Variants in DYNC1I1 observed in about 807,000 individuals in gnomAD.
DYNC1I1 encodes the protein cytoplasmic dynein 1 intermediate chain 1.
A neutral mutation model predicts 86.6 loss-of-function variants in DYNC1I1; 43 were observed. The observed-to-expected ratio is 0.50, with a 90% CI of 0.39 to 0.64. The LOEUF is 0.64. Among genes scored for constraint, DYNC1I1 ranks in the 30% least tolerant of loss-of-function variants. The pLI is 0.00. For missense variants in DYNC1I1, 604 were observed against 788.8 expected, an observed-to-expected ratio of 0.77 and a Z score of 2.81; for synonymous variants, 262 against 283.7, an observed-to-expected ratio of 0.92 and a Z score of 0.77.
intron 6 of DYNC1I1, among the ~76,000 whole-genome samples, chr7:95,913,598 T>C (rs1791393933): frequency 6.6e-6 from 1 of 152,222 alleles, no homozygotes. Context: ...CTTTGCCTTC[T>C]TCCATGATTA....
chr7:96,045,026 G>A (rs1378638312), intron 14 of DYNC1I1, among the ~76,000 whole-genome samples: 2 of 152,116 alleles, frequency 1.3e-5, no homozygotes, highest in South Asian at 2.1e-4. Context: ...GTGATGGAGG[G>A]GCAATAGAGC....
chr7:95,937,713 T>C (rs1792084998), intron 6 of DYNC1I1, among the ~76,000 whole-genome samples: 1 of 152,036 alleles, frequency 6.6e-6, no homozygotes, highest in Non-Finnish European at 1.5e-5. Flanking sequence ...ATATTCTAAA[T>C]GGTTCCAAAA....
chr7:95,937,331 A>G (rs1220676201), intron 6 of DYNC1I1, among the ~76,000 whole-genome samples: 1 of 152,092 alleles, frequency 6.6e-6, no homozygotes, highest in Non-Finnish European at 1.5e-5. Flanking sequence ...CACCACATGG[A>G]CAAAATAGGT....
chr7:96,080,815 T>C (rs1790493527), intron 16 of DYNC1I1, among the ~76,000 whole-genome samples: 1 of 152,120 alleles, frequency 6.6e-6, no homozygotes, highest in African/African-American at 2.4e-5. Flanking sequence ...CTCACGCCTG[T>C]AATCCCAACA....
chr7:95,959,665 G>T (rs1332960807), intron 6 of DYNC1I1, among the ~76,000 whole-genome samples: 1 of 152,086 alleles, frequency 6.6e-6, no homozygotes, highest in East Asian at 1.9e-4. Flanking sequence ...TTAGACCTGG[G>T]TTTACATACC....
intron 16 of DYNC1I1, among the ~76,000 whole-genome samples, chr7:96,107,874 T>G (rs1384927980): frequency 6.8e-6 from 1 of 147,930 alleles, no homozygotes; most frequent in Admixed American, 6.6e-5. Flanking sequence ...GACAGGTTTT[T>G]TTTTTTTTTT....
At chr7:95,851,265 A>C (rs1177972343) in intron 5 of DYNC1I1, among the ~76,000 whole-genome samples, 1 of 152,076 alleles carries the variant, frequency 6.6e-6, no homozygotes, top group Non-Finnish European at 1.5e-5. Flanking sequence ...GATAACTGAG[A>C]TGAATACTAA....
intron 4 of DYNC1I1, among the ~76,000 whole-genome samples, chr7:95,813,970 G>A (rs182090561): frequency 4.6e-5 from 7 of 152,112 alleles, no homozygotes; most frequent in Non-Finnish European, 8.8e-5. Context: ...CACTGAAGAG[G>A]TATCCAAAAG....
intron 14 of DYNC1I1, among the ~76,000 whole-genome samples, chr7:96,069,625 G>A (rs1399309826): frequency 2.6e-5 from 4 of 152,204 alleles, no homozygotes; most frequent in Non-Finnish European, 5.9e-5. Flanking sequence ...TCATGCCAGT[G>A]TGGGAAACAC....
chr7:96,071,036 G>C (rs1453947507), intron 14 of DYNC1I1, among the ~76,000 whole-genome samples: 1 of 152,066 alleles, frequency 6.6e-6, no homozygotes, highest in East Asian at 1.9e-4. Flanking sequence ...TTTTTAAACA[G>C]ATTTCACTAC....
At chr7:95,782,384 G>A (rs948718326) in intron 1 of DYNC1I1, among the ~76,000 whole-genome samples, 1 of 152,228 alleles carries the variant, frequency 6.6e-6, no homozygotes, top group African/African-American at 2.4e-5. Context: ...AACCACATAT[G>A]TAGTGGTTTC....
intron 6 of DYNC1I1, among the ~76,000 whole-genome samples, chr7:95,954,595 T>C (rs977484857): frequency 6.6e-6 from 1 of 152,124 alleles, no homozygotes; most frequent in Non-Finnish European, 1.5e-5. Flanking sequence ...TCTGACTTTA[T>C]GTTAAATGTC....
intron 16 of DYNC1I1, among the ~76,000 whole-genome samples, chr7:96,084,117 G>A (rs1378388023): frequency 6.6e-6 from 1 of 152,016 alleles, no homozygotes; most frequent in Non-Finnish European, 1.5e-5. Context: ...TTCCACAAGT[G>A]AGGCTGTCTT....
intron 5 of DYNC1I1, among the ~76,000 whole-genome samples, chr7:95,855,923 A>C (rs1409066295): frequency 1.3e-5 from 2 of 152,200 alleles, no homozygotes; most frequent in Non-Finnish European, 2.9e-5. Context: ...ACTGTACACC[A>C]TAGACTTTAT....
chr7:96,000,552 A>T (rs930350154), intron 10 of DYNC1I1, among the ~76,000 whole-genome samples: 1 of 152,202 alleles, frequency 6.6e-6, no homozygotes, highest in Non-Finnish European at 1.5e-5. Context: ...ACCAGTATAC[A>T]TGGTGAAATG....
chr7:95,902,055 T>A (rs1791050200), intron 6 of DYNC1I1, among the ~76,000 whole-genome samples: 1 of 152,220 alleles, frequency 6.6e-6, no homozygotes, highest in Admixed American at 6.5e-5. Flanking sequence ...AGCAGTGCAA[T>A]CTTTGTTTCT....
intron 6 of DYNC1I1, among the ~76,000 whole-genome samples, chr7:95,908,261 A>G (rs905357123): frequency 3.9e-5 from 6 of 152,206 alleles, no homozygotes; most frequent in African/African-American, 1.4e-4. Context: ...ATAGAACCCT[A>G]TCATGGAGCT....
At position 95,915,590 on chromosome 7, in the gene DYNC1I1, A is replaced by G. The variant is rs1245406117; in HGVS notation, c.490+45592A>G. 2.6e-5 allele frequency among the ~76,000 whole-genome samples: 4 copies of G among 152,312 alleles called. No homozygotes were observed. In the East Asian group the frequency reaches 7.7e-4, roughly 29 times the overall value. On this transcript the variant is annotated intron_variant, in intron 6 of 16. Coordinates refer to ENST00000447467, the MANE Select transcript of DYNC1I1 (RefSeq NM_001135556.2). ...TGGAGCTATAAAACTATATAAATCTATATGTGTGAGAAACTCTCACTGTAT... is the reference window on the plus strand; with the variant it reads ...TGGAGCTATAAAACTATATAAATCTGTATGTGTGAGAAACTCTCACTGTAT...
chr7:95,849,283 C>T (rs1352652349), intron 5 of DYNC1I1, among the ~76,000 whole-genome samples: 1 of 152,034 alleles, frequency 6.6e-6, no homozygotes, highest in Non-Finnish European at 1.5e-5. Context: ...AGGTCATTTC[C>T]CAAAAATCCT....
Sources: gnomAD v4.1 joint callset for allele counts (sites outside exome capture counted in the v4.1 genomes callset) on GRCh38, gnomAD v4.1.1 for gene constraint, MANE v1.5 for transcripts, NCBI Gene and HGNC (gene_info 2026-07-23, HGNC 2026-07-21) for gene names.